RORA: variants seen among roughly 807,000 people sequenced by gnomAD.
RORA encodes nuclear receptor ROR-alpha.
In RORA, 7 loss-of-function variants were observed where a neutral mutation model predicts 69.5. The observed-to-expected ratio is 0.10, with a 90% CI of 0.06 to 0.19. The LOEUF (loss-of-function observed/expected upper bound fraction) is 0.19. Ranked by LOEUF, RORA falls within the 10% of genes least tolerant of loss-of-function variation. The probability of loss-of-function intolerance (pLI) is 1.00; values close to 1 mark genes in which losing one functional copy is unlikely to be tolerated. For missense variants in RORA, 457 were observed against 663.0 expected, an observed-to-expected ratio of 0.69 and a Z score of 3.41; for synonymous variants, 261 against 240.8, an observed-to-expected ratio of 1.08 and a Z score of -0.78.
At position 60,491,933 on chromosome 15, in the gene RORA, A is replaced by C. The variant is rs2065047504; in HGVS notation, c.*5522T>G. The C allele has an allele frequency of 6.6e-6, 1 of 152,186 alleles. No homozygotes were observed. The highest frequency in any genetic ancestry group is 2.4e-5 in the African/African-American group (1 of 41,460). 9.4% of individuals were successfully genotyped at this position (152,186 alleles called of 1,614,324 possible). ...TACTGTTGCAATTGCGTTTCTGGGC[A>C]CATTATTTGATCTATAATATAAAGT... On this transcript the variant is annotated 3_prime_UTR_variant, in exon 11 of 11. Transcript: ENST00000335670.
Position 61,024,024 on chromosome 15 carries a change from G to A in RORA, c.166+205029C>T, listed in dbSNP as rs527799460. Reference sequence around the variant, plus strand: ...CTATGGAAACAAAAAATGCATGAACGAGTGTTGGGAGTTGATTACAAGTCC... The same window carrying A: ...CTATGGAAACAAAAAATGCATGAACAAGTGTTGGGAGTTGATTACAAGTCC... On this transcript the variant is annotated intron_variant, in intron 1 of 10. Transcript: ENST00000335670. Among the ~76,000 whole-genome samples, 372 of 152,212 alleles carry A rather than the reference G, an allele frequency of 2.4e-3. 4 individuals carry two copies. Among genetic ancestry groups the A allele is most frequent in the African/African-American group, 8.5e-3 (354 of 41,536 alleles).
chr15:60,972,093 A>G (rs1893734735), intron 1 of RORA, among the ~76,000 whole-genome samples: 1 of 152,216 alleles, frequency 6.6e-6, no homozygotes, highest in Non-Finnish European at 1.5e-5. Context: ...CCGGGAAGAA[A>G]ATAAAAATGG....
Position 60,542,445 on chromosome 15 carries a change from A to ACATGCACACCTCACACACACG in RORA, c.197-10595_197-10594insCGTGTGTGTGAGGTGTGCATG, listed in dbSNP as rs1567072882. 2.0e-4 allele frequency among the ~76,000 whole-genome samples: 28 copies of ACATGCACACCTCACACACACG among 142,126 alleles called. 2 individuals are homozygous for ACATGCACACCTCACACACACG. Among genetic ancestry groups the ACATGCACACCTCACACACACG allele is most frequent in the African/African-American group, 8.3e-4 (27 of 32,362 alleles). 93.2% of individuals were successfully genotyped at this position (142,126 alleles called of 152,430 possible). A position where few individuals can be genotyped will look rare whatever the true frequency, so the allele number is the denominator to read the frequency against. ...ACCACAGATGCACACCTCACAGCAC[A>ACATGCACACCTCACACACACG]GCACACAGGCACACCTCACACACAC... On this transcript the variant is annotated intron_variant, in intron 2 of 10. Transcript: ENST00000335670.
At chr15:61,206,200 G>T (rs2079939861) in intron 1 of RORA, among the ~76,000 whole-genome samples, 1 of 152,080 alleles carries the variant, frequency 6.6e-6, no homozygotes, top group African/African-American at 2.4e-5. Flanking sequence ...TGTAACCTCA[G>T]CCCCTAGTGC....
At chr15:60,877,219 T>C (rs931108036) in intron 1 of RORA, among the ~76,000 whole-genome samples, 8 of 152,214 alleles carry the variant, frequency 5.3e-5, no homozygotes, top group African/African-American at 1.4e-4. Context: ...AGGCTGAGCA[T>C]GTATGAAATC....
At chr15:60,695,163 A>T (rs2140781146) in intron 1 of RORA, among the ~76,000 whole-genome samples, 1 of 151,854 alleles carries the variant, frequency 6.6e-6, no homozygotes, top group South Asian at 2.1e-4. Context: ...CTGCTTAGTG[A>T]CCCAAATTCC....
At chr15:60,786,299 A>T (rs2072333166) in intron 1 of RORA, among the ~76,000 whole-genome samples, 1 of 152,238 alleles carries the variant, frequency 6.6e-6, no homozygotes, top group Admixed American at 6.5e-5. Flanking sequence ...CTCCTTGTTG[A>T]AAGGTCAGGG....
chr15:60,692,934 T>C (rs1161686345), intron 1 of RORA, among the ~76,000 whole-genome samples: 1 of 152,178 alleles, frequency 6.6e-6, no homozygotes, highest in Admixed American at 6.5e-5. Context: ...GAGGGACTCC[T>C]CCCTAACACA....
chr15:60,777,711 C>G, intron 1 of RORA, among the ~76,000 whole-genome samples: 1 of 152,122 alleles, frequency 6.6e-6, no homozygotes, highest in East Asian at 1.9e-4. Context: ...AAAGAGTCCC[C>G]TCATGCAGCA....
At chr15:61,212,300 G>A (rs1376870449) in intron 1 of RORA, among the ~76,000 whole-genome samples, 2 of 151,968 alleles carry the variant, frequency 1.3e-5, no homozygotes, top group Non-Finnish European at 2.9e-5. Flanking sequence ...AGTTAGGCAT[G>A]TTGGGAGAGC....
At chr15:60,947,020 G>T (rs1026913708) in intron 1 of RORA, among the ~76,000 whole-genome samples, 22 of 151,024 alleles carry the variant, frequency 1.5e-4, no homozygotes, top group African/African-American at 5.1e-4. Flanking sequence ...GGGAGGTGGG[G>T]GGCCAGCCCC....
intron 1 of RORA, among the ~76,000 whole-genome samples, chr15:61,007,924 A>T (rs1338079275): frequency 6.6e-6 from 1 of 151,080 alleles, no homozygotes; most frequent in Non-Finnish European, 1.5e-5. Flanking sequence ...TTAGGATAAA[A>T]GAAAAAAGAT....
At chr15:61,089,711 TGGA>T (rs895407580) in intron 1 of RORA, among the ~76,000 whole-genome samples, 3 of 152,176 alleles carry the variant, frequency 2.0e-5, no homozygotes, top group African/African-American at 7.2e-5. Flanking sequence ...GTGTGCGTGG[TGGA>T]GAACAGACCT....
chr15:60,660,671 G>T (rs1231968193), intron 2 of RORA, among the ~76,000 whole-genome samples: 2 of 152,016 alleles, frequency 1.3e-5, no homozygotes, highest in African/African-American at 4.8e-5. Flanking sequence ...GGCCTCTCTG[G>T]TAACACACAG....
At chr15:60,545,642 A>G (rs1025028768) in intron 2 of RORA, among the ~76,000 whole-genome samples, 16 of 152,216 alleles carry the variant, frequency 1.1e-4, no homozygotes, top group African/African-American at 3.4e-4. Flanking sequence ...CTGGTCTGCT[A>G]CGGTAAATGG....
chr15:60,871,381 G>A (rs1180414111), intron 1 of RORA, among the ~76,000 whole-genome samples: 3 of 152,150 alleles, frequency 2.0e-5, no homozygotes, highest in Non-Finnish European at 4.4e-5. Context: ...TCACTGAATC[G>A]CTGCCCTAGC....
intron 2 of RORA, among the ~76,000 whole-genome samples, chr15:60,575,206 CCTATTCCTAT>C (rs1282163038): frequency 6.6e-6 from 1 of 152,196 alleles, no homozygotes; most frequent in Non-Finnish European, 1.5e-5. Flanking sequence ...AGAAGACCTT[CCTATTCCTAT>C]AGCAACGTCA....
At chr15:60,717,043 G>A (rs1189888077) in intron 1 of RORA, among the ~76,000 whole-genome samples, 2 of 152,206 alleles carry the variant, frequency 1.3e-5, no homozygotes, top group Non-Finnish European at 2.9e-5. Flanking sequence ...CTGGAGGCCT[G>A]GACTTGCAAC....
At chr15:61,161,446 GTT>G (rs1490071987) in intron 1 of RORA, among the ~76,000 whole-genome samples, 1 of 152,164 alleles carries the variant, frequency 6.6e-6, no homozygotes, top group Non-Finnish European at 1.5e-5. Flanking sequence ...TCTGAGCTCA[GTT>G]TTGTCTTCTG....
Sources: allele counts gnomAD v4.1 joint callset (sites outside exome capture counted in the v4.1 genomes callset), GRCh38; gene constraint gnomAD v4.1.1; transcripts MANE v1.5; gene names NCBI Gene and HGNC (gene_info 2026-07-23, HGNC 2026-07-21).